The following RASSF3 variants were observed in gnomAD, a reference collection of about 807,000 sequenced individuals.
RASSF3 encodes the protein ras association domain-containing protein 3.
RASSF3 carries 19 observed loss-of-function variants against 19.9 expected under a neutral mutation model. The observed-to-expected ratio is 0.96, with a 90% confidence interval of 0.67 to 1.40. The LOEUF (loss-of-function observed/expected upper bound fraction) is 1.40. RASSF3 is among the 40% of genes most tolerant of loss of function. RASSF3 has a pLI of 0.00. For missense variants in RASSF3, 306 were observed against 289.8 expected (o/e 1.06, Z -0.41); for synonymous variants, 110 against 104.2 (o/e 1.06, Z -0.34).
rs930522555 is a variant in RASSF3, at chr12:64,507,328, G to A, written c.168G>A (p.Gly56=). ...CCAAGCTGCTCTGGAGCCAAGGTGG[G>A]GGTAAGTTACCTCAGGCTAATGCCT... The change falls in exon 1 of 6, where the codon GGG becomes GGA. Residue 56 remains glycine, a splice_region_variant and synonymous_variant. Coordinates refer to the RASSF3 transcript ENST00000637125. 3 of 398,458 alleles carry A rather than the reference G, an allele frequency of 7.5e-6. No homozygotes were observed. In the Admixed American group the frequency reaches 1.3e-4, roughly 18 times the overall value. 24.7% of individuals were successfully genotyped at this position (398,458 alleles called of 1,614,324 possible).
upstream of RASSF3, among the ~76,000 whole-genome samples, chr12:64,605,696 C>A (rs1016666929): frequency 6.6e-6 from 1 of 151,938 alleles, no homozygotes; most frequent in African/African-American, 2.4e-5. Context: ...TCAAGACCAG[C>A]CTGACCAAGA....
chr12:64,548,693 C>T (rs1003757030), intron 2 of RASSF3, among the ~76,000 whole-genome samples: 3 of 152,192 alleles, frequency 2.0e-5, no homozygotes, highest in African/African-American at 7.2e-5. Flanking sequence ...TATACCCTTT[C>T]CAGCAGTTCA....
upstream of RASSF3, among the ~76,000 whole-genome samples, chr12:64,608,107 A>G (rs1870225134): frequency 6.6e-6 from 1 of 151,458 alleles, no homozygotes; most frequent in African/African-American, 2.4e-5. Context: ...TTTTTTAGAG[A>G]AAAGGTCTCA....
chr12:64,633,941 C>G lies in RASSF3; in HGVS notation c.111+23198C>G, dbSNP rs542256262. Among the ~76,000 whole-genome samples the G allele has an allele frequency of 5.3e-5, 8 of 152,158 alleles. No individual in the cohort carries two copies. In the South Asian group the frequency reaches 1.5e-3, roughly 28 times the overall value. On this transcript the variant is annotated intron_variant, in intron 1 of 4. Transcript: ENST00000542104. ...TTGAGCTCAGGAGTTTGAGACCACC[C>G]TGGACAAAGTGGCAAAACTGTATCT...
chr12:64,681,025 CTT>C (rs1873107401), intron 1 of RASSF3, among the ~76,000 whole-genome samples: 1 of 152,168 alleles, frequency 6.6e-6, no homozygotes, highest in African/African-American at 2.4e-5. Context: ...CTGGCTTACT[CTT>C]TGGATTTTCC....
chr12:64,679,054 A>G (rs1260102900), intron 1 of RASSF3, among the ~76,000 whole-genome samples: 1 of 152,150 alleles, frequency 6.6e-6, no homozygotes, highest in African/African-American at 2.4e-5. Context: ...TCTCTTTTGA[A>G]CAGTCACTCG....
intron 1 of RASSF3, among the ~76,000 whole-genome samples, chr12:64,521,148 G>A (rs1437914873): frequency 6.6e-6 from 1 of 152,086 alleles, no homozygotes; most frequent in East Asian, 1.9e-4. Context: ...GCCCAGTGCC[G>A]CTCCCCCAGC....
chr12:64,684,957 C>A, intron 2 of RASSF3, 63 bp downstream of exon 2: 1 of 954,626 alleles, frequency 1.0e-6, no homozygotes, highest in Non-Finnish European at 1.7e-6. Flanking sequence ...ATTGTTGGTA[C>A]TACAATCTAT....
At chr12:64,515,693 T>G (rs532784661) in intron 1 of RASSF3, 1 of 152,264 alleles carries the variant, frequency 6.6e-6, no homozygotes, top group South Asian at 2.1e-4. Flanking sequence ...AATTATTTAT[T>G]TGTTTGTTTG....
At chr12:64,640,912 G>A (rs1871494175) in intron 1 of RASSF3, among the ~76,000 whole-genome samples, 1 of 152,012 alleles carries the variant, frequency 6.6e-6, no homozygotes, top group African/African-American at 2.4e-5. Context: ...AAAGTGCTGG[G>A]AGGTCTCACT....
intron 1 of RASSF3, among the ~76,000 whole-genome samples, chr12:64,619,422 A>G (rs1005586517): frequency 1.3e-5 from 2 of 151,964 alleles, no homozygotes; most frequent in African/African-American, 2.4e-5. Flanking sequence ...AAGAGGGCTC[A>G]TGTTTCATAG....
chr12:64,608,938 A>C (rs1870243573), upstream of RASSF3, among the ~76,000 whole-genome samples: 1 of 152,152 alleles, frequency 6.6e-6, no homozygotes, highest in Non-Finnish European at 1.5e-5. Context: ...CGAGAAGAAG[A>C]CTTTAATGTT....
At chr12:64,679,383 A>G (rs112204838) in intron 1 of RASSF3, among the ~76,000 whole-genome samples, 9,942 of 152,278 alleles carry the variant, frequency 0.065, 385 homozygotes, top group Non-Finnish European at 0.09. Context: ...TAATTGCACT[A>G]TGTTTATTTG....
intron 3 of RASSF3, among the ~76,000 whole-genome samples, chr12:64,688,829 T>G (rs969407811): frequency 1.3e-5 from 2 of 152,144 alleles, no homozygotes; most frequent in Non-Finnish European, 2.9e-5. Flanking sequence ...CATTCCACAT[T>G]TGATGTGCAT....
chr12:64,630,691 G>C (rs1200690212), intron 1 of RASSF3, among the ~76,000 whole-genome samples: 2 of 152,206 alleles, frequency 1.3e-5, no homozygotes, highest in Non-Finnish European at 2.9e-5. Flanking sequence ...GGATGAAGTA[G>C]AGGAGGGGCT....
intron 1 of RASSF3, among the ~76,000 whole-genome samples, chr12:64,614,951 G>A (rs376326409): frequency 5.3e-5 from 8 of 151,648 alleles, no homozygotes; most frequent in East Asian, 1.9e-4. Flanking sequence ...TGCCCTCCTT[G>A]GCCTCCCAAA....
intron 1 of RASSF3, among the ~76,000 whole-genome samples, chr12:64,637,440 T>C (rs2136178941): frequency 6.6e-6 from 1 of 151,450 alleles, no homozygotes; most frequent in East Asian, 1.9e-4. Flanking sequence ...TTTTTTTTTT[T>C]TGAGACAGAT....
chr12:64,652,983 G>A (rs1872016549), intron 1 of RASSF3, among the ~76,000 whole-genome samples: 1 of 152,142 alleles, frequency 6.6e-6, no homozygotes, highest in African/African-American at 2.4e-5. Flanking sequence ...GGAAGGATCT[G>A]TCCCAGGCCT....
rs58582690 is a variant in RASSF3, at chr12:64,513,799, G to A, written c.169+6470G>A. ...ACCATGGAGAGACCTCACACCAGAG[G>A]AACCGTGCAGTATCTCATCAAAGGA... On this transcript the variant is annotated intron_variant, in intron 1 of 5. Transcript: ENST00000637125. Among the ~76,000 whole-genome samples the A allele has an allele frequency of 8.9e-3, 1,349 of 152,286 alleles. 21 individuals are homozygous for A. The highest frequency in any genetic ancestry group is 0.031 in the African/African-American group (1,291 of 41,556).
Sources: gnomAD v4.1 joint callset for allele counts (sites outside exome capture counted in the v4.1 genomes callset) on GRCh38, gnomAD v4.1.1 for gene constraint, MANE v1.5 for transcripts, NCBI Gene and HGNC (gene_info 2026-07-23, HGNC 2026-07-21) for gene names.